DGKB: variants seen among roughly 807,000 people sequenced by gnomAD.
The protein encoded by DGKB is 90 kDa diacylglycerol kinase.
In DGKB, 67 loss-of-function variants were observed where a neutral mutation model predicts 114.3. That is an observed-to-expected ratio of 0.59 (90% CI 0.48 to 0.72). DGKB has a LOEUF of 0.72. Ranked by LOEUF, DGKB falls within the 30% of genes least tolerant of loss-of-function variation. DGKB has a pLI of 0.00. For missense variants in DGKB, 907 were observed against 975.2 expected, an observed-to-expected ratio of 0.93 and a Z score of 0.93; for synonymous variants, 398 against 323.1, an observed-to-expected ratio of 1.23 and a Z score of -2.49.
chr7:14,963,421 A>G (rs1786975196), intron 1 of DGKB, among the ~76,000 whole-genome samples: 3 of 152,296 alleles, frequency 2.0e-5, no homozygotes, highest in Middle Eastern at 6.8e-3. Context: ...TAAGTATTTG[A>G]TTGAAGTAAT....
chr7:14,236,277 C>T (rs934255905), intron 23 of DGKB, among the ~76,000 whole-genome samples: 1 of 151,650 alleles, frequency 6.6e-6, no homozygotes, highest in Admixed American at 6.6e-5. Flanking sequence ...CAGCTTATCA[C>T]TTTTGAAATA....
chr7:14,453,719 A>C (rs1831866227), intron 21 of DGKB, among the ~76,000 whole-genome samples: 1 of 152,288 alleles, frequency 6.6e-6, no homozygotes, highest in African/African-American at 2.4e-5. Context: ...ATAGTAAATA[A>C]TTTAGGCTAT....
chr7:14,852,265 C>T (rs542539687), intron 1 of DGKB, among the ~76,000 whole-genome samples: 1 of 150,312 alleles, frequency 6.7e-6, no homozygotes, highest in East Asian at 2.0e-4. Flanking sequence ...TACATTTTAG[C>T]ATATGCTGAA....
chr7:14,452,640 G>A (rs1831694149), intron 21 of DGKB, among the ~76,000 whole-genome samples: 2 of 151,904 alleles, frequency 1.3e-5, no homozygotes, highest in South Asian at 2.1e-4. Flanking sequence ...ACAAAAATGG[G>A]TCAAGTGAAA....
intron 20 of DGKB, among the ~76,000 whole-genome samples, chr7:14,573,724 A>C (rs1339892053): frequency 6.6e-6 from 1 of 152,232 alleles, no homozygotes; most frequent in East Asian, 1.9e-4. Flanking sequence ...TGAAATGAAA[A>C]GCCAGCCTTC....
intron 23 of DGKB, among the ~76,000 whole-genome samples, chr7:14,238,141 G>T (rs1426901382): frequency 2.0e-5 from 3 of 151,962 alleles, no homozygotes; most frequent in Non-Finnish European, 4.4e-5. Context: ...ATATGGTTTG[G>T]CTCTGTGTCC....
intron 21 of DGKB, among the ~76,000 whole-genome samples, chr7:14,436,465 C>T (rs968282519): frequency 2.0e-5 from 3 of 148,966 alleles, no homozygotes; most frequent in Admixed American, 6.7e-5. Flanking sequence ...GAATTCCTGC[C>T]CTCTCTCTTC....
intron 4 of DGKB, 138 bp from the exon 5 acceptor site, chr7:14,736,332 T>G: frequency 6.9e-6 from 4 of 583,862 alleles, no homozygotes; most frequent in Non-Finnish European, 8.9e-6. Context: ...AAGTGCCTAT[T>G]TGAGAAATAG....
At chr7:14,820,241 T>C (rs1171129180) in intron 2 of DGKB, among the ~76,000 whole-genome samples, 1 of 152,154 alleles carries the variant, frequency 6.6e-6, no homozygotes, top group Non-Finnish European at 1.5e-5. Flanking sequence ...AAATTTAAAT[T>C]CATGTTTTTT....
chr7:14,343,534 T>G (rs1340939442), intron 22 of DGKB, among the ~76,000 whole-genome samples: 1 of 151,796 alleles, frequency 6.6e-6, no homozygotes, highest in Admixed American at 6.6e-5. Context: ...AAAGATTTTT[T>G]TTTTGTACTT....
rs537335274 is a variant in DGKB, at chr7:14,440,098, T to C, written c.1835+38063A>G. Among the ~76,000 whole-genome samples, 7 of 152,188 alleles carry C rather than the reference T, an allele frequency of 4.6e-5. No individual in the cohort carries two copies. The South Asian group carries it at 1.5e-3, about 32-fold the overall frequency. ...TTCTAGTGAGCAAAGGCAGCAGCCC[T>C]GAGCTTCTACAGCCCTTCATATTTG... On this transcript the variant is annotated intron_variant, in intron 21 of 25. Transcript: ENST00000402815.
intron 1 of DGKB, among the ~76,000 whole-genome samples, chr7:14,963,881 G>A (rs923378404): frequency 6.6e-6 from 1 of 152,026 alleles, no homozygotes; most frequent in Non-Finnish European, 1.5e-5. Flanking sequence ...AATAAATATA[G>A]CACAGATCTT....
chr7:14,181,658 T>C (rs1410757862), intron 23 of DGKB, among the ~76,000 whole-genome samples: 1 of 152,146 alleles, frequency 6.6e-6, no homozygotes, highest in Non-Finnish European at 1.5e-5. Flanking sequence ...GAGATTCAGG[T>C]GGGAAACAGC....
At chr7:14,568,280 T>A (rs903499158) in intron 20 of DGKB, among the ~76,000 whole-genome samples, 1 of 152,182 alleles carries the variant, frequency 6.6e-6, no homozygotes, top group East Asian at 1.9e-4. Flanking sequence ...TTAATTATGA[T>A]TTCAGGATCA....
chr7:14,168,091 G>C (rs112372224), intron 25 of DGKB, among the ~76,000 whole-genome samples: 1,585 of 152,186 alleles, frequency 0.01, 32 homozygotes, highest in African/African-American at 0.037. Context: ...GAAAGACAGA[G>C]AGCCTGAACT....
intron 23 of DGKB, among the ~76,000 whole-genome samples, chr7:14,280,006 C>T (rs561515330): frequency 4.9e-4 from 74 of 151,844 alleles, no homozygotes; most frequent in African/African-American, 1.2e-3. Context: ...CAAAGCTGGA[C>T]GGAGAATGAC....
At chr7:14,935,653 A>G (rs1785235829) in intron 1 of DGKB, among the ~76,000 whole-genome samples, 1 of 152,142 alleles carries the variant, frequency 6.6e-6, no homozygotes, top group South Asian at 2.1e-4. Context: ...CTACTTCTGT[A>G]TGGTAAGACT....
chr7:14,494,956 T>C (rs1468924939), intron 20 of DGKB, among the ~76,000 whole-genome samples: 1 of 151,934 alleles, frequency 6.6e-6, no homozygotes, highest in Non-Finnish European at 1.5e-5. Context: ...TTAGTAATAC[T>C]ATTTTTTAAA....
intron 12 of DGKB, among the ~76,000 whole-genome samples, chr7:14,677,820 C>A (rs751883238): frequency 5.9e-5 from 9 of 152,026 alleles, no homozygotes; most frequent in Non-Finnish European, 1.3e-4. Context: ...AGACTGGTTG[C>A]CTAATTATCA....
Sources: gnomAD v4.1 joint callset for allele counts (sites outside exome capture counted in the v4.1 genomes callset) on GRCh38, gnomAD v4.1.1 for gene constraint, MANE v1.5 for transcripts, NCBI Gene and HGNC (gene_info 2026-07-23, HGNC 2026-07-21) for gene names.